BNC2: variants seen among roughly 807,000 people sequenced by gnomAD.
BNC2 encodes basonuclin zinc finger protein 2.
BNC2 carries 20 observed loss-of-function variants against 76.3 expected under a neutral mutation model. The observed-to-expected ratio is 0.26, with a 90% CI of 0.18 to 0.38. The LOEUF (loss-of-function observed/expected upper bound fraction) is 0.38, where lower values mean the gene tolerates loss of function less well. BNC2 is among the 10% of genes least tolerant of loss of function. The probability of loss-of-function intolerance (pLI) is 1.00; values close to 1 mark genes in which losing one functional copy is unlikely to be tolerated. For synonymous variants in BNC2, 582 were observed against 514.8 expected (o/e 1.13, Z -1.77); for missense variants, 1,382 against 1,399.8 (o/e 0.99, Z 0.20).
chr9:16,424,688 C>T (rs1820772091), intron 6 of BNC2, among the ~76,000 whole-genome samples: 1 of 152,110 alleles, frequency 6.6e-6, no homozygotes, highest in African/African-American at 2.4e-5. Flanking sequence ...TATATCCAAT[C>T]TGGGTAAGTC....
At position 16,485,796 on chromosome 9, in the gene BNC2, G is replaced by A. The variant is rs974146830; in HGVS notation, c.670-48272C>T. Among the ~76,000 whole-genome samples, 6 of 152,236 alleles carry A rather than the reference G, an allele frequency of 3.9e-5. No homozygotes were observed. The South Asian group carries it at 8.3e-4, about 21-fold the overall frequency. On this transcript the variant is annotated intron_variant, in intron 5 of 6. Transcript: ENST00000380672. Reference sequence around the variant, plus strand: ...TGCACTCTAGCCTGGGCAACAGAGTGAGACCCTGTCTCAAAAAGAAAAGAG... The same window carrying A: ...TGCACTCTAGCCTGGGCAACAGAGTAAGACCCTGTCTCAAAAAGAAAAGAG...
intron 5 of BNC2, among the ~76,000 whole-genome samples, chr9:16,535,614 C>T (rs73417463): frequency 0.034 from 5,206 of 152,156 alleles, 300 homozygotes; most frequent in African/African-American, 0.12. Context: ...GCCAGACATC[C>T]TGGCTCAGGA....
At chr9:16,523,754 G>C (rs1034569660) in intron 5 of BNC2, among the ~76,000 whole-genome samples, 1 of 151,754 alleles carries the variant, frequency 6.6e-6, no homozygotes, top group African/African-American at 2.4e-5. Flanking sequence ...GTGAAACCCT[G>C]TCTCTACTAA....
intron 1 of BNC2, among the ~76,000 whole-genome samples, chr9:16,803,377 A>C (rs114112266): frequency 6.6e-6 from 1 of 152,248 alleles, no homozygotes; most frequent in East Asian, 1.9e-4. Context: ...TGCCCCAAAA[A>C]GAGCAAAGTT....
intron 3 of BNC2, among the ~76,000 whole-genome samples, chr9:16,710,871 C>T (rs999331217): frequency 1.3e-5 from 2 of 152,192 alleles, no homozygotes; most frequent in African/African-American, 4.8e-5. Context: ...TCACAGGACC[C>T]ACATTACTAC....
At chr9:16,632,449 T>G (rs1821191239) in intron 3 of BNC2, among the ~76,000 whole-genome samples, 1 of 151,974 alleles carries the variant, frequency 6.6e-6, no homozygotes, top group South Asian at 2.1e-4. Context: ...AATCTGTGTA[T>G]GTAAAAGCAC....
At chr9:16,715,978 A>G (rs958098328) in intron 3 of BNC2, among the ~76,000 whole-genome samples, 1 of 152,192 alleles carries the variant, frequency 6.6e-6, no homozygotes, top group Non-Finnish European at 1.5e-5. Context: ...AAGGAAACTC[A>G]TTTTCATAAT....
intron 5 of BNC2, among the ~76,000 whole-genome samples, chr9:16,525,284 A>G (rs1817763401): frequency 6.6e-6 from 1 of 152,190 alleles, no homozygotes; most frequent in South Asian, 2.1e-4. Context: ...CGCAACAAAA[A>G]CAAATGAAAA....
intron 5 of BNC2, among the ~76,000 whole-genome samples, chr9:16,452,492 G>A (rs1338493227): frequency 1.3e-5 from 2 of 152,088 alleles, no homozygotes; most frequent in Non-Finnish European, 2.9e-5. Context: ...GCACGATATT[G>A]GCTCACTGCA....
intron 3 of BNC2, among the ~76,000 whole-genome samples, chr9:16,714,460 T>A (rs149908719): frequency 6.6e-6 from 1 of 152,354 alleles, no homozygotes; most frequent in East Asian, 1.9e-4. Flanking sequence ...GAACATGGCA[T>A]ACCAGCATCA....
intron 1 of BNC2, among the ~76,000 whole-genome samples, chr9:16,752,889 A>C (rs1237578578): frequency 6.6e-6 from 1 of 152,142 alleles, no homozygotes; most frequent in Non-Finnish European, 1.5e-5. Flanking sequence ...AGGGTTTCTA[A>C]ATGAATACAG....
At chr9:16,551,988 AAGGCTAT>A (rs1818676835) in intron 5 of BNC2, among the ~76,000 whole-genome samples, 1 of 152,180 alleles carries the variant, frequency 6.6e-6, no homozygotes, top group Non-Finnish European at 1.5e-5. Context: ...TAGAAATCTG[AAGGCTAT>A]CATGTGAGGG....
At chr9:16,546,302 A>G (rs981471731) in intron 5 of BNC2, among the ~76,000 whole-genome samples, 5 of 152,250 alleles carry the variant, frequency 3.3e-5, no homozygotes, top group African/African-American at 1.2e-4. Flanking sequence ...AGATTAAGAA[A>G]CTATGACTAA....
intron 2 of BNC2, among the ~76,000 whole-genome samples, chr9:16,733,840 C>G (rs955419387): frequency 2.0e-5 from 3 of 151,562 alleles, no homozygotes; most frequent in Non-Finnish European, 4.4e-5. Context: ...GCCGAGATCA[C>G]GCCACTGCAC....
intron 3 of BNC2, among the ~76,000 whole-genome samples, chr9:16,642,123 A>C (rs1223026323): frequency 6.6e-6 from 1 of 152,226 alleles, no homozygotes; most frequent in African/African-American, 2.4e-5. Context: ...GATACTAGAA[A>C]ATTACCTTGC....
rs529219576 is a variant in BNC2 at position 16,565,390 on chromosome 9, C to A, written c.434-12625G>T. Among the ~76,000 whole-genome samples the A allele has an allele frequency of 4.6e-5, 7 of 152,294 alleles. No homozygotes were observed. The East Asian group carries it at 1.4e-3, about 29-fold the overall frequency. On this transcript the variant is annotated intron_variant, in intron 4 of 6. Transcript: ENST00000380672. ...CCAGCACCTTCACATATTACTAGCACTTTACTATTTGGTCACTAAATGTGT... is the reference window on the plus strand; with the variant it reads ...CCAGCACCTTCACATATTACTAGCAATTTACTATTTGGTCACTAAATGTGT...
intron 5 of BNC2, among the ~76,000 whole-genome samples, chr9:16,461,791 C>A (rs547837711): frequency 2.6e-5 from 4 of 152,156 alleles, no homozygotes; most frequent in Non-Finnish European, 4.4e-5. Context: ...GGACTCACAA[C>A]CTTCTTGTGA....
At chr9:16,774,259 A>T (rs1825905103) in intron 1 of BNC2, among the ~76,000 whole-genome samples, 1 of 152,206 alleles carries the variant, frequency 6.6e-6, no homozygotes, top group African/African-American at 2.4e-5. Flanking sequence ...CTGGGATTAC[A>T]GTCGTGAGCC....
chr9:16,684,954 T>G (rs1218165359), intron 3 of BNC2, among the ~76,000 whole-genome samples: 1 of 151,838 alleles, frequency 6.6e-6, no homozygotes, highest in East Asian at 1.9e-4. Flanking sequence ...CCACAAGACA[T>G]ATCTTCCAAC....
Sources: allele counts gnomAD v4.1 joint callset (sites outside exome capture counted in the v4.1 genomes callset), GRCh38; gene constraint gnomAD v4.1.1; transcripts MANE v1.5; gene names NCBI Gene and HGNC (gene_info 2026-07-23, HGNC 2026-07-21).